The following SUDS3 variants were observed in gnomAD, a reference collection of about 807,000 sequenced individuals.
SUDS3 encodes the protein sin3 histone deacetylase corepressor complex component SDS3.
A neutral mutation model predicts 53.5 loss-of-function variants in SUDS3; 23 were observed. The observed-to-expected ratio is 0.43, with a 90% CI of 0.31 to 0.61. SUDS3 has a LOEUF of 0.61. SUDS3 is among the 20% of genes least tolerant of loss of function. The pLI is 0.10. For missense variants in SUDS3, 291 were observed against 405.9 expected (o/e 0.72, Z 2.43); for synonymous variants, 150 against 148.5 (o/e 1.01, Z -0.08).
Position 118,414,751 on chromosome 12 carries a change from G to C in SUDS3, c.*318G>C, listed in dbSNP as rs1024038023. On this transcript the variant is annotated 3_prime_UTR_variant, in exon 12 of 12. Transcript: ENST00000543473. ...ATACTTGTTTTTGAAAACCTCCTCT[G>C]AGTTTGAAGGGACAGCTATTTTTAT... 4.7e-6 allele frequency: 1 copy of C among 213,584 alleles called. No homozygotes were observed. Among genetic ancestry groups the C allele is most frequent in the African/African-American group, 2.3e-5 (1 of 43,332 alleles). 13.2% of individuals were successfully genotyped at this position (213,584 alleles called of 1,614,324 possible).
At chr12:118,410,798 C>T (rs914992479) in intron 10 of SUDS3, among the ~76,000 whole-genome samples, 7 of 151,884 alleles carry the variant, frequency 4.6e-5, no homozygotes, top group South Asian at 4.2e-4. Context: ...GGGGTTTTAC[C>T]GTGTTAGCCA....
intron 5 of SUDS3, among the ~76,000 whole-genome samples, chr12:118,390,165 A>G (rs1478014568): frequency 6.6e-6 from 1 of 152,192 alleles, no homozygotes; most frequent in African/African-American, 2.4e-5. Flanking sequence ...AGGAATACTC[A>G]TCCCTAACTG....
At chr12:118,391,041 G>A in intron 5 of SUDS3, 85 bp from the exon 6 acceptor site, 5 of 1,469,936 alleles carry the variant, frequency 3.4e-6, no homozygotes, top group Non-Finnish European at 3.8e-6. Flanking sequence ...CACACACTTT[G>A]CAGTTGAGGA....
At chr12:118,401,455 A>C (rs2046261742) in intron 7 of SUDS3, among the ~76,000 whole-genome samples, 1 of 152,198 alleles carries the variant, frequency 6.6e-6, no homozygotes, top group African/African-American at 2.4e-5. Flanking sequence ...TTGGAACAAA[A>C]GCGCTTTATA....
At chr12:118,405,020 C>CCCCTCTGGTGATGACACCA (rs1449144389) in intron 10 of SUDS3, among the ~76,000 whole-genome samples, 4 of 152,184 alleles carry the variant, frequency 2.6e-5, no homozygotes, top group Non-Finnish European at 5.9e-5. Flanking sequence ...ATGACTTCTT[C>CCCCTCTGGTGATGACACCA]CCCTCTGAGT....
chr12:118,391,080 G>C (rs762291850), intron 5 of SUDS3, 46 bp from the exon 6 acceptor site: 1 of 1,606,566 alleles, frequency 6.2e-7, no homozygotes, highest in Non-Finnish European at 8.5e-7. Context: ...TGGAGCCCTG[G>C]CTCCCAGGGC....
At chr12:118,411,395 T>TC (rs1421070904) in intron 11 of SUDS3, among the ~76,000 whole-genome samples, 1 of 152,220 alleles carries the variant, frequency 6.6e-6, no homozygotes, top group Non-Finnish European at 1.5e-5. Flanking sequence ...ATTTGTGAAC[T>TC]CCCGGTACAG....
At position 118,411,090 on chromosome 12, in the gene SUDS3, C is replaced by T. The variant is rs754074028; in HGVS notation, c.821C>T (p.Ala274Val). 3 of 1,605,874 alleles carry T rather than the reference C, an allele frequency of 1.9e-6. No individual in the cohort carries two copies. The highest frequency in any genetic ancestry group is 2.6e-6 in the Non-Finnish European group (3 of 1,176,202). Reference sequence around the variant, plus strand: ...TTTGTCAGGTACCACAAGAGCCAGGCCATCTATCTGGAGTCAAAGGACAAC... The same window carrying T: ...TTTGTCAGGTACCACAAGAGCCAGGTCATCTATCTGGAGTCAAAGGACAAC... ...YDKRWYHKSQ[A>V]IYLESKDNQK... The change falls in exon 11 of 12, where the codon GCC becomes GTC. Residue 274 changes from alanine (A) to valine (V), a missense_variant. Around this residue, in one of 4 missense-constraint regions of SUDS3, gnomAD observed 77 missense variants for 87.1 expected, o/e 0.88. Transcript: ENST00000543473.
intron 10 of SUDS3, 38 bp downstream of exon 10, chr12:118,403,555 T>C (rs764717203): frequency 6.5e-6 from 10 of 1,527,784 alleles, no homozygotes; most frequent in Non-Finnish European, 8.1e-6. Flanking sequence ...AAGAGTCTCA[T>C]ATGAACCACT....
chr12:118,392,511 A>G (rs2046176489), intron 6 of SUDS3, among the ~76,000 whole-genome samples: 1 of 152,240 alleles, frequency 6.6e-6, no homozygotes, highest in South Asian at 2.1e-4. Context: ...GGCCTCTGAA[A>G]GCAGCTCAGA....
chr12:118,411,421 C>T (rs1566211900), intron 11 of SUDS3, among the ~76,000 whole-genome samples: 1 of 152,186 alleles, frequency 6.6e-6, no homozygotes, highest in Non-Finnish European at 1.5e-5. Flanking sequence ...GATTTGGGAA[C>T]CACGGAGCTA....
chr12:118,378,126 G>GT (rs1371890409), intron 1 of SUDS3, among the ~76,000 whole-genome samples: 1 of 152,114 alleles, frequency 6.6e-6, no homozygotes, highest in African/African-American at 2.4e-5. Flanking sequence ...TTTCCTTCCA[G>GT]TATAGGGGCT....
At chr12:118,381,481 C>T (rs1403644707) in intron 2 of SUDS3, among the ~76,000 whole-genome samples, 1 of 152,084 alleles carries the variant, frequency 6.6e-6, no homozygotes. Context: ...CTCCTGGGCT[C>T]AAGCAATTCT....
intron 3 of SUDS3, 136 bp downstream of exon 3, chr12:118,384,203 G>A (rs968696905): frequency 2.5e-6 from 2 of 794,424 alleles, no homozygotes; most frequent in Non-Finnish European, 4.0e-6. Flanking sequence ...AGTACATTTT[G>A]CTATCTTTTG....
intron 6 of SUDS3, among the ~76,000 whole-genome samples, chr12:118,392,789 A>T (rs114321956): frequency 0.013 from 1,983 of 152,294 alleles, 53 homozygotes; most frequent in African/African-American, 0.045. Flanking sequence ...ATCCGTTTAC[A>T]GCTGCTCCCT....
chr12:118,414,638 C>G lies in SUDS3; in HGVS notation c.*205C>G. The stretch of plus-strand genomic sequence containing the variant: ...TCAGTCTTTTCTGCCTCAACTTCTT[C>G]CAGACATCAGTCACCATGAGACTGT... On this transcript the variant is annotated 3_prime_UTR_variant, in exon 12 of 12. Coordinates refer to ENST00000543473, the MANE Select transcript of SUDS3 (RefSeq NM_022491.3). 4.3e-6 allele frequency: 2 copies of G among 467,458 alleles called. No homozygotes were observed. Among genetic ancestry groups the G allele is most frequent in the South Asian group, 3.7e-5 (1 of 26,906 alleles). 29.0% of individuals were successfully genotyped at this position (467,458 alleles called of 1,614,324 possible). A position where few individuals can be genotyped will look rare whatever the true frequency, so the allele number is the denominator to read the frequency against.
At chr12:118,395,265 C>G (rs1457690894) in intron 6 of SUDS3, among the ~76,000 whole-genome samples, 5 of 147,192 alleles carry the variant, frequency 3.4e-5, no homozygotes, top group Admixed American at 2.7e-4. Flanking sequence ...TCGCTTTGTC[C>G]CCCAGGCTGG....
chr12:118,391,308 C>A (rs2046165641), intron 6 of SUDS3, 26 bp downstream of exon 6: 2 of 1,585,152 alleles, frequency 1.3e-6, no homozygotes, highest in Non-Finnish European at 8.5e-7. Flanking sequence ...GGGGTGGGAT[C>A]TTGGGGGCCC....
chr12:118,378,736 C>A (rs1009663235), intron 1 of SUDS3, among the ~76,000 whole-genome samples: 1 of 151,976 alleles, frequency 6.6e-6, no homozygotes, highest in East Asian at 1.9e-4. Flanking sequence ...AGTGCAATGG[C>A]GCGATCTCGG....
Sources: gnomAD v4.1 joint callset for allele counts (sites outside exome capture counted in the v4.1 genomes callset) on GRCh38, gnomAD v4.1.1 for gene constraint, gnomAD v4.1.1 regional missense constraint, MANE v1.5 for transcripts, NCBI Gene and HGNC (gene_info 2026-07-23, HGNC 2026-07-21) for gene names.